Variants in KPNA6 observed in about 807,000 individuals in gnomAD.
KPNA6 encodes karyopherin subunit alpha 6, also known as importin subunit alpha-7.
KPNA6 carries 9 observed loss-of-function variants against 72.0 expected under a neutral mutation model. The observed-to-expected ratio is 0.13, with a 90% CI of 0.08 to 0.22. The LOEUF (loss-of-function observed/expected upper bound fraction) is 0.22, where lower values mean the gene tolerates loss of function less well. Among genes scored for constraint, KPNA6 ranks in the 10% least tolerant of loss-of-function variants. The probability of loss-of-function intolerance (pLI) is 1.00; values close to 1 mark genes in which losing one functional copy is unlikely to be tolerated. For missense variants in KPNA6, 374 were observed against 655.7 expected (o/e 0.57, Z 4.69); for synonymous variants, 219 against 242.1 (o/e 0.90, Z 0.89).
intron 11 of KPNA6, among the ~76,000 whole-genome samples, chr1:32,166,871 G>C (rs1173141379): frequency 6.8e-6 from 1 of 147,506 alleles, no homozygotes; most frequent in Non-Finnish European, 1.5e-5. Flanking sequence ...CTGGTAGGTG[G>C]AGCTTGCAGT....
chr1:32,136,981 CAAAAAT>C (rs1229319402), intron 1 of KPNA6, among the ~76,000 whole-genome samples: 1 of 152,084 alleles, frequency 6.6e-6, no homozygotes, highest in African/African-American at 2.4e-5. Flanking sequence ...GAGGAGAAAA[CAAAAAT>C]AAAACAATTA....
In KPNA6 at chr1:32,142,883, A is replaced by G. The variant is rs1056725005; in HGVS notation, c.5-11705A>G. ...TGCTTCCCCAGTGAAGTCATAAGCA[A>G]ATATTTGTGATAGTTTCTTGTCACC... On this transcript the variant is annotated intron_variant, in intron 1 of 13. Transcript: ENST00000373625. 16 of 1,199,224 alleles carry G rather than the reference A, an allele frequency of 1.3e-5. No homozygotes were observed. In the African/African-American group the frequency reaches 2.2e-4, roughly 16 times the overall value. The allele number at this position is 1,199,224 out of a possible 1,614,324, so 74.3% of individuals were successfully genotyped here.
intron 13 of KPNA6, 143 bp downstream of exon 13, chr1:32,170,203 A>G: frequency 1.4e-6 from 1 of 701,600 alleles, no homozygotes; most frequent in Non-Finnish European, 2.3e-6. Context: ...CAGAACAGTT[A>G]AGAGCTCCTG....
rs1432175712 is a variant in KPNA6 at position 32,163,329 on chromosome 1, G to A, written c.990+16G>A. 1.3e-6 allele frequency: 2 copies of A among 1,591,590 alleles called. No homozygotes were observed. Among genetic ancestry groups the A allele is most frequent in the Admixed American group, 1.7e-5 (1 of 59,340 alleles). ...CCAGACCCAGGTAAGAAAGAGGAGG[G>A]TGCAGGATCTTAGACCAGCTATGGA... On this transcript the variant is annotated intron_variant, in intron 10 of 13. Coordinates refer to ENST00000373625, the MANE Select transcript of KPNA6 (RefSeq NM_012316.5).
intron 2 of KPNA6, among the ~76,000 whole-genome samples, chr1:32,156,282 G>A (rs2124065119): frequency 6.6e-6 from 1 of 151,952 alleles, no homozygotes; most frequent in Non-Finnish European, 1.5e-5. Flanking sequence ...GTGGATGCCT[G>A]AAACTGCAGA....
At chr1:32,119,028 A>ATTTTTT (rs1197600051) in intron 1 of KPNA6, among the ~76,000 whole-genome samples, 2 of 63,206 alleles carry the variant, frequency 3.2e-5, no homozygotes, top group East Asian at 4.8e-4. Context: ...ATATATATAT[A>ATTTTTT]TATATTTTTT....
At chr1:32,164,688 A>ATT (rs1188325674) in intron 10 of KPNA6, among the ~76,000 whole-genome samples, 3,299 of 118,412 alleles carry the variant, frequency 0.028, 141 homozygotes, top group African/African-American at 0.096. Context: ...CCATCTGTGT[A>ATT]TTTTTTTTTT....
At position 32,156,895 on chromosome 1, in the gene KPNA6, G is replaced by T. The variant is rs144343640; in HGVS notation, c.181G>T (p.Ala61Ser). 8.5e-4 allele frequency: 1,373 copies of T among 1,614,086 alleles called. No individual in the cohort carries two copies. The highest frequency in any genetic ancestry group is 1.1e-3 in the Non-Finnish European group (1,295 of 1,179,976). Residue 61 changes from alanine to serine, a missense_variant, in exon 3 of 14, where the codon GCC (alanine) becomes TCC (serine). By Grantham distance (99) the Ala-to-Ser change is moderately conservative. Around this residue, in one of 3 missense-constraint regions of KPNA6, gnomAD observed 298 missense variants for 495.4 expected, o/e 0.60. Coordinates refer to ENST00000373625, the MANE Select transcript of KPNA6 (RefSeq NM_012316.5). ...RNVELINEEA[A>S]MFDSLLMDSY... ...TGTGGAGCTGATTAATGAAGAAGCTGCCATGTTCGATAGTCTTCTCATGGA... is the reference window on the plus strand; with the variant it reads ...TGTGGAGCTGATTAATGAAGAAGCTTCCATGTTCGATAGTCTTCTCATGGA...
chr1:32,172,942 C>T lies in KPNA6; in HGVS notation c.*2048C>T, dbSNP rs1642464515. The stretch of plus-strand genomic sequence containing the variant: ...ATTGGCCATTGATCTTGAATTTGCC[C>T]TCTCCTAGTGCTGCAGTCCCACTTC... On this transcript the variant is annotated 3_prime_UTR_variant, in exon 14 of 14. Coordinates refer to ENST00000373625, the MANE Select transcript of KPNA6 (RefSeq NM_012316.5). 3 of 396,910 alleles carry T rather than the reference C, an allele frequency of 7.6e-6. No homozygotes were observed. The highest frequency in any genetic ancestry group is 1.3e-5 in the Non-Finnish European group (3 of 225,530). 24.6% of individuals were successfully genotyped at this position (396,910 alleles called of 1,614,324 possible).
At position 32,154,604 on chromosome 1, in the gene KPNA6, A is replaced by G. The variant is rs755651987; in HGVS notation, c.21A>G (p.Pro7=). Residue 7 remains proline, a synonymous_variant, in exon 2 of 14, where the codon CCA becomes CCG. Coordinates refer to ENST00000373625, the MANE Select transcript of KPNA6 (RefSeq NM_012316.5). ...TTCTTCTAGAGACCATGGCGAGCCC[A>G]GGGAAAGACAATTATCGAATGAAGA... The part of the protein sequence containing the change: METMAS[P]GKDNYRMKSY... 3.7e-6 allele frequency: 6 copies of G among 1,613,688 alleles called. No individual in the cohort carries two copies. The East Asian group carries it at 6.7e-5, about 18-fold the overall frequency.
In KPNA6 at chr1:32,172,053, G is replaced by C. The variant is rs1642448330; in HGVS notation, c.*1159G>C. Reference sequence around the variant, plus strand: ...AAAGGAGAGAATGTCAAAAAGTTCTGTATTTTTTTATATTCTATATATTAG... The same window carrying C: ...AAAGGAGAGAATGTCAAAAAGTTCTCTATTTTTTTATATTCTATATATTAG... On this transcript the variant is annotated 3_prime_UTR_variant, in exon 14 of 14. Transcript: ENST00000373625. 1.3e-5 allele frequency: 2 copies of C among 152,024 alleles called. No homozygotes were observed. The highest frequency in any genetic ancestry group is 4.1e-4 in the South Asian group (2 of 4,822). The allele number at this position is 152,024 out of a possible 1,614,324, so 9.4% of individuals were successfully genotyped here.
At chr1:32,134,493 T>C (rs145648047) in intron 1 of KPNA6, among the ~76,000 whole-genome samples, 155 of 151,164 alleles carry the variant, frequency 1.0e-3, no homozygotes, top group African/African-American at 3.7e-3. Flanking sequence ...ATACAAAAAT[T>C]AGCCAGATGT....
At chr1:32,151,185 G>A (rs779723583) in intron 1 of KPNA6, among the ~76,000 whole-genome samples, 11 of 152,068 alleles carry the variant, frequency 7.2e-5, no homozygotes, top group Non-Finnish European at 1.2e-4. Context: ...GATGTAGGGC[G>A]TTTTATAGGT....
intron 2 of KPNA6, among the ~76,000 whole-genome samples, chr1:32,155,896 G>A (rs924799822): frequency 1.0e-4 from 15 of 147,796 alleles, no homozygotes; most frequent in African/African-American, 3.5e-4. Context: ...GTACCACCAC[G>A]CCCGGCTAAT....
intron 1 of KPNA6, among the ~76,000 whole-genome samples, chr1:32,145,068 T>C (rs1641906881): frequency 6.6e-6 from 1 of 151,694 alleles, no homozygotes; most frequent in Non-Finnish European, 1.5e-5. Flanking sequence ...TTCTTCTGCC[T>C]CAGCCTCCCA....
At chr1:32,125,047 G>A (rs1471138488) in intron 1 of KPNA6, among the ~76,000 whole-genome samples, 1 of 151,380 alleles carries the variant, frequency 6.6e-6, no homozygotes, top group Non-Finnish European at 1.5e-5. Flanking sequence ...GTTCCACCGT[G>A]TTGCCCAGGC....
rs909473475 is a variant in KPNA6, at chr1:32,172,495, C to A, written c.*1601C>A. 7.6e-6 allele frequency: 1 copy of A among 131,404 alleles called. No homozygotes were observed. Among genetic ancestry groups the A allele is most frequent in the Non-Finnish European group, 1.7e-5 (1 of 60,332 alleles). The allele number at this position is 131,404 out of a possible 1,614,324, so 8.1% of individuals were successfully genotyped here. Reference sequence around the variant, plus strand: ...ATTATCACTGAAACTTAGTAGCCTGCTTTTTTTTTTTTTTTTTTTAGAGCT... The same window carrying A: ...ATTATCACTGAAACTTAGTAGCCTGATTTTTTTTTTTTTTTTTTTAGAGCT... On this transcript the variant is annotated 3_prime_UTR_variant, in exon 14 of 14. Coordinates refer to ENST00000373625, the MANE Select transcript of KPNA6 (RefSeq NM_012316.5).
chr1:32,163,099 G>A (rs1249872197), intron 9 of KPNA6, 136 bp from the exon 10 acceptor site: 3 of 629,620 alleles, frequency 4.8e-6, no homozygotes, highest in Non-Finnish European at 8.5e-6. Flanking sequence ...GCGAGACTCT[G>A]TCTCAAAAAA....
At chr1:32,151,454 G>C (rs1048014273) in intron 1 of KPNA6, among the ~76,000 whole-genome samples, 2 of 152,094 alleles carry the variant, frequency 1.3e-5, no homozygotes, top group Admixed American at 1.3e-4. Flanking sequence ...TGCATCCTTA[G>C]TCTTCAGCAA....
Sources: gnomAD v4.1 joint callset for allele counts (sites outside exome capture counted in the v4.1 genomes callset) on GRCh38, gnomAD v4.1.1 for gene constraint, gnomAD v4.1.1 regional missense constraint, MANE v1.5 for transcripts, NCBI Gene and HGNC (gene_info 2026-07-23, HGNC 2026-07-21) for gene names.